Variants in CCDC60 observed in about 807,000 individuals in gnomAD.
The protein encoded by CCDC60 is coiled-coil domain containing 60.
Under a neutral mutation model 63.5 loss-of-function variants are expected in CCDC60, and 54 were observed. That is an observed-to-expected ratio of 0.85 (90% CI 0.68 to 1.07). CCDC60 has a LOEUF of 1.07. CCDC60 is among the 50% of genes least tolerant of loss of function. CCDC60 has a pLI of 0.00. For synonymous variants in CCDC60, 206 were observed against 238.8 expected, an observed-to-expected ratio of 0.86 and a Z score of 1.27; for missense variants, 651 against 684.3, an observed-to-expected ratio of 0.95 and a Z score of 0.54.
chr12:119,412,699 A>C (rs1379123856), intron 1 of CCDC60, among the ~76,000 whole-genome samples: 1 of 151,924 alleles, frequency 6.6e-6, no homozygotes, highest in Non-Finnish European at 1.5e-5. Context: ...AATAGAGATA[A>C]TCATGCTATC....
intron 1 of CCDC60, among the ~76,000 whole-genome samples, chr12:119,406,888 C>T (rs770248025): frequency 6.6e-6 from 1 of 152,136 alleles, no homozygotes; most frequent in Non-Finnish European, 1.5e-5. Flanking sequence ...ACAGGCATCA[C>T]GGCTGCATTT....
intron 1 of CCDC60, among the ~76,000 whole-genome samples, chr12:119,350,688 T>C (rs1955647437): frequency 6.6e-6 from 1 of 152,182 alleles, no homozygotes; most frequent in South Asian, 2.1e-4. Context: ...CTGAAGGTAA[T>C]TTTTTCAAAG....
At chr12:119,397,770 C>T (rs112205604) in intron 1 of CCDC60, among the ~76,000 whole-genome samples, 67 of 27,110 alleles carry the variant, frequency 2.5e-3, no homozygotes, top group African/African-American at 0.012. Flanking sequence ...CAGGGGGCAG[C>T]GCCCGTCAGG....
At chr12:119,466,873 C>A (rs1204519151) in intron 2 of CCDC60, among the ~76,000 whole-genome samples, 3 of 152,078 alleles carry the variant, frequency 2.0e-5, no homozygotes, top group South Asian at 4.2e-4. Flanking sequence ...GGACACCAGA[C>A]CAAAGTGAGA....
At chr12:119,454,080 A>G (rs1046204113) in intron 2 of CCDC60, among the ~76,000 whole-genome samples, 3 of 152,256 alleles carry the variant, frequency 2.0e-5, no homozygotes, top group African/African-American at 7.2e-5. Context: ...GGACATCTCA[A>G]CGAGGTAAGA....
chr12:119,525,409 C>A (rs1952655202), intron 11 of CCDC60, among the ~76,000 whole-genome samples: 1 of 152,028 alleles, frequency 6.6e-6, no homozygotes, highest in Non-Finnish European at 1.5e-5. Context: ...AAGGGCAGGT[C>A]ACCAAAAAAG....
intron 2 of CCDC60, among the ~76,000 whole-genome samples, chr12:119,460,392 G>A (rs1164574923): frequency 6.6e-6 from 1 of 152,184 alleles, no homozygotes; most frequent in East Asian, 1.9e-4. Flanking sequence ...AACTTGGAAT[G>A]CAATGTACAA....
chr12:119,359,380 T>G (rs956795268), intron 1 of CCDC60, among the ~76,000 whole-genome samples: 2 of 152,214 alleles, frequency 1.3e-5, no homozygotes, highest in Admixed American at 6.5e-5. Context: ...GAACATGGTT[T>G]TAAATACACC....
At chr12:119,498,069 C>T (rs1236750974) in intron 5 of CCDC60, among the ~76,000 whole-genome samples, 1 of 152,124 alleles carries the variant, frequency 6.6e-6, no homozygotes, top group East Asian at 1.9e-4. Flanking sequence ...GGTGGCTGTT[C>T]GCTGGTAGAT....
At position 119,360,670 on chromosome 12, in the gene CCDC60, C is replaced by T. The variant is rs1274921076; in HGVS notation, c.90+25404C>T. Among the ~76,000 whole-genome samples, 7 of 151,476 alleles carry T rather than the reference C, an allele frequency of 4.6e-5. 1 individual carries two copies. Among genetic ancestry groups the T allele is most frequent in the Middle Eastern group, 3.2e-3 (1 of 314 alleles). On this transcript the variant is annotated intron_variant, in intron 1 of 13. Coordinates refer to ENST00000327554, the MANE Select transcript of CCDC60 (RefSeq NM_178499.5). Reference sequence around the variant, plus strand: ...CAGACGATGGGCGGCGGGGCAGAGACACTCCTCACTTCCTAGATGTGATGG... The same window carrying T: ...CAGACGATGGGCGGCGGGGCAGAGATACTCCTCACTTCCTAGATGTGATGG...
intron 5 of CCDC60, among the ~76,000 whole-genome samples, chr12:119,497,770 G>C (rs2136404303): frequency 6.6e-6 from 1 of 151,658 alleles, no homozygotes; most frequent in South Asian, 2.1e-4. Context: ...AAACACTAAA[G>C]CTTCCAGTGG....
At chr12:119,510,206 ACT>A (rs1274096397) in intron 7 of CCDC60, among the ~76,000 whole-genome samples, 1 of 152,046 alleles carries the variant, frequency 6.6e-6, no homozygotes, top group African/African-American at 2.4e-5. Context: ...TCTTTCAATG[ACT>A]CTGCCTTTTC....
chr12:119,446,379 A>C (rs1339565587), intron 2 of CCDC60, among the ~76,000 whole-genome samples: 2 of 152,210 alleles, frequency 1.3e-5, no homozygotes, highest in Non-Finnish European at 2.9e-5. Flanking sequence ...GTTCAGGGCA[A>C]GACTGCCCTT....
chr12:119,350,197 ATTTATTTATTTATTTT>A (rs1955641913), intron 1 of CCDC60, among the ~76,000 whole-genome samples: 1 of 150,356 alleles, frequency 6.7e-6, no homozygotes, highest in Non-Finnish European at 1.5e-5. Context: ...TTATTTATTT[ATTTATTTATTTATTTT>A]TTGAGACAGA....
intron 2 of CCDC60, among the ~76,000 whole-genome samples, chr12:119,448,949 T>C (rs1950586336): frequency 6.6e-6 from 1 of 152,062 alleles, no homozygotes; most frequent in Admixed American, 6.5e-5. Context: ...ACAGAAGCCC[T>C]GAGCCAAGGC....
chr12:119,527,691 T>TA (rs1555256700), intron 11 of CCDC60, among the ~76,000 whole-genome samples: 6 of 137,230 alleles, frequency 4.4e-5, no homozygotes, highest in South Asian at 4.7e-4. Context: ...TTTTTTTTTT[T>TA]ATTGAGATGG....
intron 9 of CCDC60, among the ~76,000 whole-genome samples, chr12:119,520,542 CTTTT>C (rs11460611): frequency 7.9e-6 from 1 of 126,860 alleles, no homozygotes; most frequent in Admixed American, 8.4e-5. Flanking sequence ...AGAGAATATT[CTTTT>C]TTTTTTTTTT....
In CCDC60 at chr12:119,410,905, G is replaced by A. The variant is rs1279721064; in HGVS notation, c.91-17778G>A. Among the ~76,000 whole-genome samples the A allele has an allele frequency of 2.5e-5, 3 of 121,242 alleles. No homozygotes were observed. Among genetic ancestry groups the A allele is most frequent in the Non-Finnish European group, 5.5e-5 (3 of 54,708 alleles). The allele number at this position is 121,242 out of a possible 152,430, so 79.5% of individuals were successfully genotyped here. A position where few individuals can be genotyped will look rare whatever the true frequency, so the allele number is the denominator to read the frequency against. ...CTACAGGCACGCACCACTACACTCA[G>A]CTAATTTTTGTATTTTTTTTTAGTA... On this transcript the variant is annotated intron_variant, in intron 1 of 13. Coordinates refer to ENST00000327554, the MANE Select transcript of CCDC60 (RefSeq NM_178499.5). The surrounding 1 kb of genome is among the most constrained non-coding windows in gnomAD (Gnocchi z 4.0).
intron 1 of CCDC60, among the ~76,000 whole-genome samples, chr12:119,342,504 G>T (rs752226391): frequency 3.9e-5 from 6 of 152,128 alleles, no homozygotes; most frequent in Non-Finnish European, 8.8e-5. Flanking sequence ...AAATAATAGG[G>T]ATCCCAAGCC....
Sources: allele counts gnomAD v4.1 joint callset (sites outside exome capture counted in the v4.1 genomes callset), GRCh38; gene constraint gnomAD v4.1.1; non-coding constraint Gnocchi (gnomAD v3.1); transcripts MANE v1.5; gene names NCBI Gene and HGNC (gene_info 2026-07-23, HGNC 2026-07-21).